The following RGS20 variants were observed in gnomAD, a reference collection of about 807,000 sequenced individuals.
The protein encoded by RGS20 is regulator of G protein signaling 20.
In RGS20, 30 loss-of-function variants were observed where a neutral mutation model predicts 33.6. The observed-to-expected ratio is 0.89, with a 90% confidence interval of 0.67 to 1.21. The LOEUF is 1.21. RGS20 is among the 50% of genes most tolerant of loss of function. The pLI is 0.00. For synonymous variants in RGS20, 208 were observed against 197.9 expected (o/e 1.05, Z -0.43); for missense variants, 472 against 502.4 (o/e 0.94, Z 0.58).
At chr8:53,872,068 C>G (rs940083926) in intron 1 of RGS20, among the ~76,000 whole-genome samples, 7 of 152,170 alleles carry the variant, frequency 4.6e-5, no homozygotes, top group Admixed American at 3.9e-4. Flanking sequence ...CCTCTCCTTT[C>G]AGTAAGCCAT....
At chr8:53,904,066 T>G (rs778531810) in intron 2 of RGS20, among the ~76,000 whole-genome samples, 1 of 151,916 alleles carries the variant, frequency 6.6e-6, no homozygotes, top group East Asian at 1.9e-4. Flanking sequence ...ATAGTAACAC[T>G]GCTTACCAAG....
In RGS20 at chr8:53,929,073, T is replaced by C. The variant is rs553694987; in HGVS notation, c.511-10503T>C. Among the ~76,000 whole-genome samples the C allele has an allele frequency of 2.6e-5, 4 of 152,314 alleles. No homozygotes were observed. The South Asian group carries it at 8.3e-4, about 32-fold the overall frequency. ...AAAAGATGTTGTATGGTTCCCTTTATATAAAAATCAAGAAATGCAAATTAA... is the reference window on the plus strand; with the variant it reads ...AAAAGATGTTGTATGGTTCCCTTTACATAAAAATCAAGAAATGCAAATTAA... On this transcript the variant is annotated intron_variant, in intron 2 of 5. Coordinates refer to ENST00000297313, the MANE Select transcript of RGS20 (RefSeq NM_170587.4).
At chr8:53,870,143 T>A (rs549054856) in intron 1 of RGS20, among the ~76,000 whole-genome samples, 100 of 152,264 alleles carry the variant, frequency 6.6e-4, no homozygotes, top group Non-Finnish European at 1.0e-3. Flanking sequence ...TCAGTCTCCA[T>A]CCCACCTTTT....
At chr8:53,954,371 T>A in intron 5 of RGS20, 61 bp downstream of exon 4, 1 of 1,166,682 alleles carries the variant, frequency 8.6e-7, no homozygotes, top group Non-Finnish European at 1.3e-6. Flanking sequence ...GGTGCAAAAG[T>A]AATTGCCATA....
intron 2 of RGS20, among the ~76,000 whole-genome samples, chr8:53,935,741 C>G (rs1230879178): frequency 6.6e-6 from 1 of 152,214 alleles, no homozygotes; most frequent in East Asian, 1.9e-4. Context: ...TCCTCCCTAA[C>G]TCATTTTGAG....
In RGS20 at chr8:53,939,659, C is replaced by A; in HGVS notation, c.594C>A (p.Pro198=). 6.3e-7 allele frequency: 1 copy of A among 1,590,030 alleles called. No homozygotes were observed. Among genetic ancestry groups the A allele is most frequent in the Non-Finnish European group, 8.6e-7 (1 of 1,169,020 alleles). The change falls in exon 3 of 6, where the codon CCC becomes CCA. Residue 198 remains proline (P), a synonymous_variant. Coordinates refer to ENST00000297313, the MANE Select transcript of RGS20 (RefSeq NM_170587.4). Reference sequence around the variant, plus strand: ...CACCAGGCGCCGCCCCAGGCCAGCCCGGAGCGGGGAGTCGCGGGTCCAACG... The same window carrying A: ...CACCAGGCGCCGCCCCAGGCCAGCCAGGAGCGGGGAGTCGCGGGTCCAACG...
At chr8:53,859,673 C>A (rs144707815) in intron 1 of RGS20, among the ~76,000 whole-genome samples, 1 of 152,058 alleles carries the variant, frequency 6.6e-6, no homozygotes, top group Non-Finnish European at 1.5e-5. Context: ...AAGAAATACC[C>A]GAGACTGGTT....
intron 2 of RGS20, among the ~76,000 whole-genome samples, chr8:53,888,887 GTGT>G (rs1812621699): frequency 6.6e-6 from 1 of 152,164 alleles, no homozygotes; most frequent in African/African-American, 2.4e-5. Flanking sequence ...GTTGTTGTAC[GTGT>G]TGTTATTTTT....
intron 2 of RGS20, among the ~76,000 whole-genome samples, chr8:53,931,935 C>T (rs1423456005): frequency 6.6e-6 from 1 of 152,178 alleles, no homozygotes; most frequent in East Asian, 1.9e-4. Context: ...CTGATGCCTA[C>T]ACCACTAGGG....
At chr8:53,892,435 C>T (rs1245827824) in intron 2 of RGS20, among the ~76,000 whole-genome samples, 4 of 152,168 alleles carry the variant, frequency 2.6e-5, no homozygotes, top group Non-Finnish European at 4.4e-5. Context: ...GTCAGTGTGG[C>T]GATTCCTCAG....
intron 1 of RGS20, among the ~76,000 whole-genome samples, chr8:53,861,000 T>C (rs1811797854): frequency 6.6e-6 from 1 of 151,942 alleles, no homozygotes; most frequent in African/African-American, 2.4e-5. Flanking sequence ...GCCCTAGCTG[T>C]TCTTTAGGTT....
chr8:53,931,673 T>C (rs1585933519), intron 2 of RGS20, among the ~76,000 whole-genome samples: 1 of 152,228 alleles, frequency 6.6e-6, no homozygotes, highest in East Asian at 1.9e-4. Flanking sequence ...AGAAGGTGGG[T>C]GACTTCTGCA....
chr8:53,916,079 G>T (rs1292638273), intron 2 of RGS20, among the ~76,000 whole-genome samples: 1 of 152,170 alleles, frequency 6.6e-6, no homozygotes, highest in African/African-American at 2.4e-5. Flanking sequence ...GCTAACTGCG[G>T]TGGTATGACC....
At chr8:53,876,762 A>C (rs1433341892) in intron 1 of RGS20, 1 of 152,294 alleles carries the variant, frequency 6.6e-6, no homozygotes, top group African/African-American at 2.4e-5. Flanking sequence ...GCAGGGGAGC[A>C]GGCGGCTGAT....
chr8:53,899,227 TG>T (rs752350928), intron 2 of RGS20, among the ~76,000 whole-genome samples: 3 of 152,190 alleles, frequency 2.0e-5, no homozygotes, highest in Non-Finnish European at 2.9e-5. Context: ...TTCTCTTTAT[TG>T]GGTATTTTTT....
intron 1 of RGS20, among the ~76,000 whole-genome samples, chr8:53,866,053 C>T (rs59128603): frequency 0.028 from 4,241 of 152,196 alleles, 161 homozygotes; most frequent in African/African-American, 0.087. Context: ...GAAATGGCAT[C>T]TAAGCTGAGA....
chr8:53,934,625 C>G (rs577978766), intron 2 of RGS20, among the ~76,000 whole-genome samples: 39 of 152,094 alleles, frequency 2.6e-4, no homozygotes, highest in Non-Finnish European at 4.6e-4. Flanking sequence ...TCTTAGAGAC[C>G]TACAAAGAGA....
intron 1 of RGS20, among the ~76,000 whole-genome samples, chr8:53,858,645 G>A (rs1039723474): frequency 6.6e-6 from 1 of 152,068 alleles, no homozygotes; most frequent in African/African-American, 2.4e-5. Flanking sequence ...CATTGCTGAA[G>A]AAAGAGAGGC....
chr8:53,945,764 G>A (rs560554281), intron 3 of RGS20, among the ~76,000 whole-genome samples: 43 of 152,184 alleles, frequency 2.8e-4, no homozygotes, highest in African/African-American at 1.9e-4. Context: ...GTAGCCGGGC[G>A]TGTTGGCACA....
Sources: allele counts gnomAD v4.1 joint callset (sites outside exome capture counted in the v4.1 genomes callset), GRCh38; gene constraint gnomAD v4.1.1; transcripts MANE v1.5; gene names NCBI Gene and HGNC (gene_info 2026-07-23, HGNC 2026-07-21).